SNF8: variants seen among roughly 807,000 people sequenced by gnomAD.
The protein encoded by SNF8 is SNF8 subunit of ESCRT-II.
Under a neutral mutation model 36.8 loss-of-function variants are expected in SNF8, and 19 were observed. That is an observed-to-expected ratio of 0.52 (90% confidence interval 0.36 to 0.76). The LOEUF (loss-of-function observed/expected upper bound fraction) is 0.76, where lower values mean the gene tolerates loss of function less well. SNF8 is among the 30% of genes least tolerant of loss of function. SNF8 has a pLI of 0.00. For synonymous variants in SNF8, 127 were observed against 127.4 expected (o/e 1.00, Z 0.02); for missense variants, 268 against 322.9 (o/e 0.83, Z 1.30).
In SNF8 at chr17:48,933,257, G is replaced by A. The variant is rs1204433875; in HGVS notation, c.512C>T (p.Ser171Phe). The change falls in exon 6 of 8, where the codon TCT becomes TTT. Residue 171 changes from serine (S) to phenylalanine (F), a missense_variant. Coordinates refer to ENST00000502492, the MANE Select transcript of SNF8 (RefSeq NM_007241.4). ...IPVGGTYLIQ[S>F]VPAELNMDHT... ...ATCCATATTGAGCTCAGCTGGAACA[G>A]ACTGAATGAGGTAAGTGCCGCCCAC... 1.9e-6 allele frequency: 3 copies of A among 1,614,150 alleles called. No homozygotes were observed. The highest frequency in any genetic ancestry group is 2.2e-5 in the South Asian group (2 of 91,084).
In SNF8 at chr17:48,937,059, T is replaced by C. The variant is rs1324459076; in HGVS notation, c.310A>G (p.Ile104Val). Residue 104 changes from isoleucine (I) to valine (V), a missense_variant, in exon 4 of 8, where the codon ATT becomes GTT. Transcript: ENST00000502492. ...TTCAGCGCCAGGCACACTTCGATAA[T>C]TTGGACACCTAGTTCGTAATAGAAG... ...GDFYYELGVQIIEVCLALKHR... is the reference protein window; with the variant it reads ...GDFYYELGVQVIEVCLALKHR... The C allele has an allele frequency of 6.2e-7, 1 of 1,614,036 alleles. No individual in the cohort carries two copies. The highest frequency in any genetic ancestry group is 8.5e-7 in the Non-Finnish European group (1 of 1,180,024).
At chr17:48,931,876 G>A (rs2040864886) in intron 6 of SNF8, 159 bp from the exon 7 acceptor site, 1 of 557,370 alleles carries the variant, frequency 1.8e-6, no homozygotes. Context: ...GGGAGAGAGA[G>A]AAGTGACTTT....
chr17:48,931,572 G>T, intron 7 of SNF8, 71 bp downstream of exon 7: 1 of 1,259,600 alleles, frequency 7.9e-7, no homozygotes, highest in Admixed American at 1.9e-5. Context: ...TGAAGTTCCT[G>T]CATTTGTGGA....
intron 1 of SNF8, 54 bp from the exon 2 acceptor site, chr17:48,944,029 C>T (rs1567791063): frequency 2.0e-5 from 32 of 1,567,962 alleles, no homozygotes; most frequent in Middle Eastern, 1.7e-4. Context: ...GGAGGCCAGG[C>T]GCGGTGGCTC....
Position 48,931,673 on chromosome 17 carries a change from T to C in SNF8, c.609A>G (p.Lys203=). 2 of 1,613,554 alleles carry C rather than the reference T, an allele frequency of 1.2e-6. No individual in the cohort carries two copies. The highest frequency in any genetic ancestry group is 1.7e-6 in the Non-Finnish European group (2 of 1,179,760). The change falls in exon 7 of 8, where the codon AAA becomes AAG. Residue 203 remains lysine, a synonymous_variant. Coordinates refer to ENST00000502492, the MANE Select transcript of SNF8 (RefSeq NM_007241.4). ...CTTGCCGCGCTCGCTCGGTCTCCCA[T>C]TTAAGACTGGCTTTGATCTCACTGA... The part of the protein sequence containing the change: ...VTVSEIKASL[K]WETERARQVL...
intron 2 of SNF8, among the ~76,000 whole-genome samples, chr17:48,941,544 T>C (rs976442670): frequency 3.3e-5 from 5 of 152,096 alleles, no homozygotes; most frequent in African/African-American, 1.2e-4. Flanking sequence ...TGGGAAAAAG[T>C]GAAGCGTCAC....
intron 2 of SNF8, 73 bp downstream of exon 2, chr17:48,943,852 G>A: frequency 7.5e-7 from 1 of 1,330,380 alleles, no homozygotes; most frequent in Middle Eastern, 1.8e-4. Flanking sequence ...ACACAATCAA[G>A]TTCGTATCCA....
intron 3 of SNF8, among the ~76,000 whole-genome samples, chr17:48,938,497 A>T (rs1430395625): frequency 1.1e-4 from 1 of 9,024 alleles, no homozygotes; most frequent in Non-Finnish European, 5.7e-3. Context: ...ACTCCATCTC[A>T]AAAAAAAAAA....
chr17:48,936,133 C>G, intron 5 of SNF8, 37 bp downstream of exon 5: 1 of 1,526,570 alleles, frequency 6.6e-7, no homozygotes, highest in Non-Finnish European at 9.1e-7. Context: ...TTAAAGACCT[C>G]TTTCTGTACT....
intron 5 of SNF8, among the ~76,000 whole-genome samples, chr17:48,935,215 AC>A (rs1312327600): frequency 6.6e-6 from 1 of 152,038 alleles, no homozygotes; most frequent in East Asian, 1.9e-4. Context: ...TACTAAAAAT[AC>A]AAAAATTAGC....
At chr17:48,940,251 G>A (rs1330096055) in intron 3 of SNF8, among the ~76,000 whole-genome samples, 1 of 151,400 alleles carries the variant, frequency 6.6e-6, no homozygotes, top group Non-Finnish European at 1.5e-5. Flanking sequence ...ATGTTGCCCA[G>A]GCTGATCTTT....
In SNF8 at chr17:48,930,433, C is replaced by CGCCTCCTCCCT; in HGVS notation, c.*31_*41dup. The CGCCTCCTCCCT allele has an allele frequency of 6.8e-7, 1 of 1,464,844 alleles. No individual in the cohort carries two copies. The highest frequency in any genetic ancestry group is 9.1e-7 in the Non-Finnish European group (1 of 1,097,132). 90.7% of individuals were successfully genotyped at this position (1,464,844 alleles called of 1,614,324 possible). A position where few individuals can be genotyped will look rare whatever the true frequency, so the allele number is the denominator to read the frequency against. ...ATTGCCCAGGTTTATTTGCCACCTC[C>CGCCTCCTCCCT]GCCTCCTCCCTGCCTGCTGCTGTGT... On this transcript the variant is annotated 3_prime_UTR_variant, in exon 8 of 8. Coordinates refer to ENST00000502492, the MANE Select transcript of SNF8 (RefSeq NM_007241.4).
At position 48,930,575 on chromosome 17, in the gene SNF8, A is replaced by G; in HGVS notation, c.677T>C (p.Leu226Ser). 6.2e-7 allele frequency: 1 copy of G among 1,613,898 alleles called. No individual in the cohort carries two copies. Among genetic ancestry groups the G allele is most frequent in the South Asian group, 1.1e-5 (1 of 91,058 alleles). Residue 226 changes from leucine to serine, a missense_variant, in exon 8 of 8, where the codon TTA (leucine) becomes TCA (serine). Transcript: ENST00000502492. ...GTAGTGGGCCTCCCCTGGGGCCTGTAAGTCCAGCCACGCCAACCCTTCCTT... is the reference window on the plus strand; with the variant it reads ...GTAGTGGGCCTCCCCTGGGGCCTGTGAGTCCAGCCACGCCAACCCTTCCTT... ...LLKEGLAWLD[L>S]QAPGEAHYWL... is the part of the protein sequence containing the mutation.
At chr17:48,933,410 C>T (rs1048166825) in intron 5 of SNF8, 64 bp from the exon 6 acceptor site, 1 of 1,586,468 alleles carries the variant, frequency 6.3e-7, no homozygotes, top group East Asian at 2.3e-5. Context: ...ACAGTTTCAG[C>T]TCTGCCCTGG....
At chr17:48,943,260 A>AG (rs879877735) in intron 2 of SNF8, among the ~76,000 whole-genome samples, 500 of 149,354 alleles carry the variant, frequency 3.3e-3, no homozygotes, top group Non-Finnish European at 5.7e-3. Context: ...ACCTGAGGCC[A>AG]GGAGTTTGAG....
chr17:48,944,646 G>A (rs376752483), intron 1 of SNF8, 35 bp downstream of exon 1: 16 of 1,606,512 alleles, frequency 1.0e-5, no homozygotes, highest in Non-Finnish European at 1.2e-5. Flanking sequence ...GCACGGGTCA[G>A]GGGCAGGTTG....
chr17:48,933,223 C>T lies in SNF8; in HGVS notation c.546G>A (p.Val182=). Residue 182 remains valine, a synonymous_variant, in exon 6 of 8, where the codon GTG becomes GTA. Coordinates refer to ENST00000502492, the MANE Select transcript of SNF8 (RefSeq NM_007241.4). ...VPAELNMDHT[V]VLQLAEKNGY... is the part of the protein sequence containing the mutation. ...CCAGTACCTCTGCCAGCTGCAGCAC[C>T]ACGGTGTGATCCATATTGAGCTCAG... 6.2e-7 allele frequency: 1 copy of T among 1,613,732 alleles called. No homozygotes were observed. The highest frequency in any genetic ancestry group is 2.2e-5 in the East Asian group (1 of 44,886).
Position 48,930,296 on chromosome 17 carries a change from G to A in SNF8, c.*179C>T, listed in dbSNP as rs902084102. The A allele has an allele frequency of 2.0e-5, 12 of 592,964 alleles. No individual in the cohort carries two copies. Among genetic ancestry groups the A allele is most frequent in the Admixed American group, 9.7e-5 (3 of 31,062 alleles). 36.7% of individuals were successfully genotyped at this position (592,964 alleles called of 1,614,324 possible). A position where few individuals can be genotyped will look rare whatever the true frequency, so the allele number is the denominator to read the frequency against. On this transcript the variant is annotated 3_prime_UTR_variant, in exon 8 of 8. Transcript: ENST00000502492. ...GTTAATCAGATTATGCTTACTGAAC[G>A]AGCGAGGTTTTCCTCCAATAAAAAT...
intron 1 of SNF8, among the ~76,000 whole-genome samples, 153 bp downstream of exon 1, chr17:48,944,528 T>C (rs1384715858): frequency 6.6e-6 from 1 of 152,188 alleles, no homozygotes; most frequent in Non-Finnish European, 1.5e-5. Flanking sequence ...ACGCTGCCAA[T>C]CCACCGGAAG....
Sources: gnomAD v4.1 joint callset for allele counts (sites outside exome capture counted in the v4.1 genomes callset) on GRCh38, gnomAD v4.1.1 for gene constraint, MANE v1.5 for transcripts, NCBI Gene and HGNC (gene_info 2026-07-23, HGNC 2026-07-21) for gene names.